The following VRK1 variants were observed in gnomAD, a reference collection of about 807,000 sequenced individuals.
The protein encoded by VRK1 is serine/threonine-protein kinase VRK1.
A neutral mutation model predicts 57.1 loss-of-function variants in VRK1; 33 were observed. That is an observed-to-expected ratio of 0.58 (90% confidence interval 0.44 to 0.77). The LOEUF (loss-of-function observed/expected upper bound fraction) is 0.77, where lower values mean the gene tolerates loss of function less well. Among genes scored for constraint, VRK1 ranks in the 30% least tolerant of loss-of-function variants. The pLI, the probability that VRK1 is intolerant of heterozygous loss-of-function variation, is 0.00. For missense variants in VRK1, 413 were observed against 477.3 expected (o/e 0.87, Z 1.25); for synonymous variants, 137 against 147.8 (o/e 0.93, Z 0.53).
Position 96,856,568 on chromosome 14 carries a change from C to A in VRK1, c.871C>A (p.Pro291Thr). Reference protein sequence around the residue: ...NIASLMDKCFPEKNKPGEIAK... With the variant: ...NIASLMDKCFTEKNKPGEIAK... ...TGCAAGTTTGATGGACAAATGTTTT[C>A]CTGAGAAAAACAAACCAGGTAGGAA... The change falls in exon 10 of 13, where the codon CCT becomes ACT. Residue 291 changes from proline (P) to threonine (T), a missense_variant. Transcript: ENST00000216639. 6.2e-7 allele frequency: 1 copy of A among 1,613,602 alleles called. No individual in the cohort carries two copies. Among genetic ancestry groups the A allele is most frequent in the South Asian group, 1.1e-5 (1 of 91,062 alleles).
At position 96,870,632 on chromosome 14, in the gene VRK1, G is replaced by T. The variant is rs144981371; in HGVS notation, c.1069-5398G>T. ...GTAACATGAATGATGTTAGAATCATGAAAAGCCATTGCTGCCAACAAGTTG... is the reference window on the plus strand; with the variant it reads ...GTAACATGAATGATGTTAGAATCATTAAAAGCCATTGCTGCCAACAAGTTG... On this transcript the variant is annotated intron_variant, in intron 11 of 12. Transcript: ENST00000216639. Among the ~76,000 whole-genome samples, 4 of 152,306 alleles carry T rather than the reference G, an allele frequency of 2.6e-5. No homozygotes were observed. The East Asian group carries it at 7.7e-4, about 29-fold the overall frequency.
At chr14:96,813,133 G>C (rs1250572331) in intron 1 of VRK1, among the ~76,000 whole-genome samples, 1 of 152,202 alleles carries the variant, frequency 6.6e-6, no homozygotes, top group East Asian at 1.9e-4. Context: ...CACAAACTGT[G>C]TCACAAGAGA....
At chr14:96,841,581 G>A (rs1415782546) in intron 3 of VRK1, among the ~76,000 whole-genome samples, 3 of 152,134 alleles carry the variant, frequency 2.0e-5, no homozygotes, top group Admixed American at 2.0e-4. Flanking sequence ...CTACTGACCA[G>A]GCGCGGTGGC....
chr14:96,863,958 C>G (rs1319101940), intron 11 of VRK1, among the ~76,000 whole-genome samples: 2 of 152,126 alleles, frequency 1.3e-5, no homozygotes, highest in Non-Finnish European at 2.9e-5. Flanking sequence ...CCATTGTAGC[C>G]TATAGTTTCA....
intron 10 of VRK1, among the ~76,000 whole-genome samples, chr14:96,859,518 T>G (rs1354581094): frequency 1.3e-5 from 2 of 152,230 alleles, no homozygotes; most frequent in Non-Finnish European, 2.9e-5. Flanking sequence ...GTACATCTCC[T>G]TTATCAGATG....
chr14:96,830,734 T>C (rs192713995), intron 1 of VRK1, among the ~76,000 whole-genome samples: 14 of 152,324 alleles, frequency 9.2e-5, no homozygotes, highest in Non-Finnish European at 1.9e-4. Context: ...AGTTTTCCCT[T>C]ATATGCAATT....
chr14:96,809,837 C>T (rs776225556), intron 1 of VRK1, among the ~76,000 whole-genome samples: 4 of 152,048 alleles, frequency 2.6e-5, no homozygotes, highest in Non-Finnish European at 4.4e-5. Flanking sequence ...CCTCCCTAAG[C>T]GCTGGGGTTA....
chr14:96,867,127 T>C (rs1888616252), intron 11 of VRK1, among the ~76,000 whole-genome samples: 1 of 152,188 alleles, frequency 6.6e-6, no homozygotes, highest in South Asian at 2.1e-4. Flanking sequence ...GAGTTAATCA[T>C]GAGTCTAACG....
chr14:96,812,137 A>G (rs1566685710), intron 1 of VRK1, among the ~76,000 whole-genome samples: 2 of 152,184 alleles, frequency 1.3e-5, no homozygotes, highest in Non-Finnish European at 2.9e-5. Context: ...TTGCTGAATA[A>G]TATTCCATTG....
At chr14:96,836,738 G>C (rs866106854) in intron 2 of VRK1, among the ~76,000 whole-genome samples, 1 of 151,966 alleles carries the variant, frequency 6.6e-6, no homozygotes, top group Non-Finnish European at 1.5e-5. Flanking sequence ...TTGTTGGCCA[G>C]GCTGGTCTCG....
rs533918268 is a variant in VRK1, at chr14:96,822,027, C to T, written c.-5-11440C>T. ...ATGTCACTTTCTTGTGAGGCTTTACCAGACCATCTTTTTAAATTTCATTCC... is the reference window on the plus strand; with the variant it reads ...ATGTCACTTTCTTGTGAGGCTTTACTAGACCATCTTTTTAAATTTCATTCC... On this transcript the variant is annotated intron_variant, in intron 1 of 12. Transcript: ENST00000216639. Among the ~76,000 whole-genome samples the T allele has an allele frequency of 2.5e-4, 37 of 150,868 alleles. No homozygotes were observed. The South Asian group carries it at 4.2e-3, about 17-fold the overall frequency.
At position 96,881,388 on chromosome 14, in the gene VRK1, C is replaced by T. The variant is rs547614354; in HGVS notation, c.*180C>T. 1.7e-6 allele frequency: 1 copy of T among 581,562 alleles called. No individual in the cohort carries two copies. 36.0% of individuals were successfully genotyped at this position (581,562 alleles called of 1,614,324 possible). ...AATATTTTGTACAATTCATTAAAGGCTAATTTATGAAATTTGAAAATCTTC... is the reference window on the plus strand; with the variant it reads ...AATATTTTGTACAATTCATTAAAGGTTAATTTATGAAATTTGAAAATCTTC... On this transcript the variant is annotated 3_prime_UTR_variant, in exon 13 of 13. Transcript: ENST00000216639.
Position 96,852,874 on chromosome 14 carries a change from A to AGGTC in VRK1, c.418_419insGGTC (p.Lys140ArgfsTer5). 1 of 1,613,898 alleles carries AGGTC rather than the reference A, an allele frequency of 6.2e-7. No individual in the cohort carries two copies. The highest frequency in any genetic ancestry group is 8.5e-7 in the Non-Finnish European group (1 of 1,179,860). Reference sequence around the variant, plus strand: ...GGATCGCTTTGGGAGTGACCTTCAGAAAATATATGAAGCAAATGCCAAAAG... The same window carrying AGGTC: ...GGATCGCTTTGGGAGTGACCTTCAGAGGTCAAATATATGAAGCAAATGCCAAAAG... On this transcript the variant is annotated frameshift_variant, in exon 6 of 13. Coordinates refer to ENST00000216639, the MANE Select transcript of VRK1 (RefSeq NM_003384.3). LOFTEE classifies it high-confidence loss of function.
chr14:96,878,908 A>G (rs1595693537), intron 12 of VRK1, among the ~76,000 whole-genome samples: 2 of 152,286 alleles, frequency 1.3e-5, no homozygotes, highest in South Asian at 4.1e-4. Flanking sequence ...TAATATAGCC[A>G]TGATATTTAT....
chr14:96,874,995 T>C (rs904900005), intron 11 of VRK1, among the ~76,000 whole-genome samples: 2 of 152,224 alleles, frequency 1.3e-5, no homozygotes, highest in African/African-American at 4.8e-5. Context: ...TGTTGCATTG[T>C]GAACCTGTGA....
intron 5 of VRK1, among the ~76,000 whole-genome samples, chr14:96,848,694 G>C (rs939294044): frequency 2.0e-5 from 3 of 152,170 alleles, no homozygotes; most frequent in Non-Finnish European, 4.4e-5. Context: ...GAGCTAGACT[G>C]CCTAGTTTTA....
intron 5 of VRK1, among the ~76,000 whole-genome samples, chr14:96,851,031 A>C (rs994730136): frequency 1.3e-5 from 2 of 152,204 alleles, no homozygotes; most frequent in East Asian, 3.8e-4. Context: ...AACCTTGCAA[A>C]ATCTGTTACA....
chr14:96,829,145 G>A (rs1037359693), intron 1 of VRK1, among the ~76,000 whole-genome samples: 5 of 151,796 alleles, frequency 3.3e-5, no homozygotes, highest in East Asian at 1.9e-4. Flanking sequence ...AAAATGAGCC[G>A]AGGTTACTCA....
At chr14:96,829,633 T>C (rs1263872844) in intron 1 of VRK1, among the ~76,000 whole-genome samples, 2 of 152,178 alleles carry the variant, frequency 1.3e-5, no homozygotes, top group Non-Finnish European at 2.9e-5. Context: ...ACATAATTAC[T>C]CATTTGCATC....
Sources: gnomAD v4.1 joint callset for allele counts (sites outside exome capture counted in the v4.1 genomes callset) on GRCh38, gnomAD v4.1.1 for gene constraint, MANE v1.5 for transcripts, NCBI Gene and HGNC (gene_info 2026-07-23, HGNC 2026-07-21) for gene names.